Variants in ANO9 observed in about 807,000 individuals in gnomAD.
The protein encoded by ANO9 is anoctamin 9.
Under a neutral mutation model 100.5 loss-of-function variants are expected in ANO9, and 80 were observed. The observed-to-expected ratio is 0.80, with a 90% CI of 0.66 to 0.96. The LOEUF (loss-of-function observed/expected upper bound fraction) is 0.96, where lower values mean the gene tolerates loss of function less well. Ranked by LOEUF, ANO9 falls within the 40% of genes least tolerant of loss-of-function variation. The pLI, the probability that ANO9 is intolerant of heterozygous loss-of-function variation, is 0.00. For missense variants in ANO9, 1,064 were observed against 1,072.7 expected, an observed-to-expected ratio of 0.99 and a Z score of 0.11; for synonymous variants, 473 against 435.6, an observed-to-expected ratio of 1.09 and a Z score of -1.07.
rs1164137393 is a variant in ANO9 at position 420,989 on chromosome 11, C to T, written c.1446G>A (p.Met482Ile). ...MDLFVQMAII[M>I]GLKQTLSNCV... ...AGTTGCTGAGCGTCTGCTTCAGGCC[C>T]ATGATGATGGCCATCTGCACGAAGA... is the stretch of plus-strand genomic sequence containing the variant. Residue 482 changes from methionine to isoleucine, a missense_variant, in exon 17 of 23, where the codon ATG (methionine) becomes ATA (isoleucine). By Grantham distance (10) the Met-to-Ile change is conservative. Transcript: ENST00000332826. 5.6e-6 allele frequency: 9 copies of T among 1,607,164 alleles called. No homozygotes were observed. The African/African-American group carries it at 1.2e-4, about 21-fold the overall frequency.
intron 1 of ANO9, among the ~76,000 whole-genome samples, chr11:439,887 G>A (rs1480832630): frequency 2.0e-5 from 3 of 152,106 alleles, no homozygotes; most frequent in Non-Finnish European, 2.9e-5. Context: ...CCGTGTGCCC[G>A]TCCATCCCCA....
intron 4 of ANO9, 177 bp downstream of exon 4, chr11:433,137 G>C (rs1849153001): frequency 3.8e-6 from 3 of 790,674 alleles, no homozygotes; most frequent in Non-Finnish European, 5.7e-6. Context: ...TAATGGGATG[G>C]GGAAGCTGAG....
intron 1 of ANO9, chr11:440,765 G>C (rs7943064): frequency 0.24 from 36,790 of 151,250 alleles, 4,746 homozygotes; most frequent in East Asian, 0.46. Flanking sequence ...GCCCGGGTTC[G>C]AGCAGTCCTC....
At chr11:430,463 G>A in intron 7 of ANO9, 60 bp from the exon 8 acceptor site, 1 of 333,058 alleles carries the variant, frequency 3.0e-6, no homozygotes, top group South Asian at 2.6e-5. Flanking sequence ...GACAGGAAAG[G>A]GATGGGGGTG....
At position 429,655 on chromosome 11, in the gene ANO9, G is replaced by A; in HGVS notation, c.833-3C>T. 1 of 1,612,632 alleles carries A rather than the reference G, an allele frequency of 6.2e-7. No individual in the cohort carries two copies. Among genetic ancestry groups the A allele is most frequent in the Non-Finnish European group, 8.5e-7 (1 of 1,179,884 alleles). ...CCAGATCTCCAGGAACACCGTGGCT[G>A]CGGCGGGGGCAAGGAGGGGCATCAC... On this transcript the variant is annotated splice_region_variant and splice_polypyrimidine_tract_variant and intron_variant, in intron 10 of 22. Transcript: ENST00000332826.
chr11:430,879 T>C (rs12363544), intron 7 of ANO9, among the ~76,000 whole-genome samples: 179 of 2,660 alleles, frequency 0.067, 12 homozygotes, highest in East Asian at 0.25. Context: ...TGGGGGCGTC[T>C]GCGGGGGTGT....
intron 1 of ANO9, among the ~76,000 whole-genome samples, chr11:437,963 AG>A (rs1482658235): frequency 6.6e-6 from 1 of 152,120 alleles, no homozygotes; most frequent in African/African-American, 2.4e-5. Flanking sequence ...GGAAGGGACG[AG>A]GCAGGGACCC....
At chr11:419,908 C>T in intron 19 of ANO9, 179 bp from the exon 20 acceptor site, 2 of 1,410,020 alleles carry the variant, frequency 1.4e-6, no homozygotes, top group East Asian at 2.5e-5. Flanking sequence ...GGCCTCTGCG[C>T]TCCTGCACCC....
chr11:434,241 G>T, intron 1 of ANO9, 143 bp from the exon 2 acceptor site: 1 of 1,014,392 alleles, frequency 9.9e-7, no homozygotes, highest in Non-Finnish European at 1.4e-6. Flanking sequence ...CGAGGAGATG[G>T]CTGTAGGCGG....
intron 19 of ANO9, 127 bp downstream of exon 19, chr11:420,336 G>C: frequency 6.7e-7 from 1 of 1,487,478 alleles, no homozygotes; most frequent in African/African-American, 1.4e-5. Context: ...TCGGAGAAGG[G>C]CTGGGGGCTG....
At position 418,933 on chromosome 11, in the gene ANO9, TG is replaced by T; in HGVS notation, c.1990del (p.Gln664ArgfsTer12). 2.5e-6 allele frequency: 4 copies of T among 1,612,778 alleles called. No individual in the cohort carries two copies. The highest frequency in any genetic ancestry group is 3.4e-6 in the Non-Finnish European group (4 of 1,179,790). ...TGAGCCCTCAATCCCATCAGGGTCC[TG>T]GAAGTCCTTGGTGTGGAAGACGGAC... ...SLSVFHTKDF[Q>X]DPDGIEGSEN... On this transcript the variant is annotated frameshift_variant, in exon 21 of 23. Transcript: ENST00000332826. LOFTEE classifies it high-confidence loss of function.
At position 433,758 on chromosome 11, in the gene ANO9, C is replaced by T. The variant is rs1849228508; in HGVS notation, c.204+57G>A. 78 of 1,522,460 alleles carry T rather than the reference C, an allele frequency of 5.1e-5. 2 individuals are homozygous for T. In the South Asian group the frequency reaches 9.8e-4, roughly 19 times the overall value. The allele number at this position is 1,522,460 out of a possible 1,614,324, so 94.3% of individuals were successfully genotyped here. On this transcript the variant is annotated intron_variant, in intron 3 of 22. Transcript: ENST00000332826. ...CCGCCCCAGCCCCATGGCCCTGCCC[C>T]TCGCTGGACACCCGCCCCGGCCCCA...
intron 15 of ANO9, among the ~76,000 whole-genome samples, chr11:427,841 T>G (rs1848611813): frequency 6.6e-6 from 1 of 150,952 alleles, no homozygotes; most frequent in Non-Finnish European, 1.5e-5. Flanking sequence ...TTTCTGCCAG[T>G]GCTGTTATGC....
intron 1 of ANO9, among the ~76,000 whole-genome samples, chr11:435,071 G>A (rs368454080): frequency 3.3e-5 from 5 of 152,268 alleles, no homozygotes; most frequent in African/African-American, 7.2e-5. Flanking sequence ...ATAAACAGCA[G>A]AAGGATATAG....
intron 19 of ANO9, chr11:420,243 GT>G (rs1848090540): frequency 7.7e-6 from 11 of 1,423,616 alleles, no homozygotes; most frequent in Non-Finnish European, 1.0e-5. Flanking sequence ...GATCCTGACG[GT>G]TTGTGGGAGG....
intron 15 of ANO9, among the ~76,000 whole-genome samples, chr11:423,885 T>A (rs867317550): frequency 5.2e-4 from 75 of 143,400 alleles, no homozygotes; most frequent in Middle Eastern, 3.5e-3. Flanking sequence ...AGTTGAATAC[T>A]CACACACACA....
At chr11:433,522 AC>A in intron 3 of ANO9, 63 bp from the exon 4 acceptor site, 1 of 1,551,412 alleles carries the variant, frequency 6.4e-7, no homozygotes, top group Non-Finnish European at 8.8e-7. Context: ...CCGCCTCAGA[AC>A]CCTCCCCCCT....
In ANO9 at chr11:428,724, T is replaced by A. The variant is rs368691943; in HGVS notation, c.1018A>T (p.Met340Leu). 3.1e-6 allele frequency: 5 copies of A among 1,613,156 alleles called. No individual in the cohort carries two copies. The East Asian group carries it at 1.1e-4, about 36-fold the overall frequency. ...CCACCGCGGTGTCCCCTGCGTACCATGAGCAGGGTCAGGACGAGGATGACG... is the reference window on the plus strand; with the variant it reads ...CCACCGCGGTGTCCCCTGCGTACCAAGAGCAGGGTCAGGACGAGGATGACG... ...STVILVLTLL[M>L]ICLMIGMAHV... Residue 340 changes from methionine to leucine, a missense_variant and splice_region_variant, in exon 12 of 23, where the codon ATG becomes TTG. Physicochemically the swap from Met to Leu is conservative, Grantham distance 15. Coordinates refer to ENST00000332826, the MANE Select transcript of ANO9 (RefSeq NM_001012302.3).
intron 1 of ANO9, among the ~76,000 whole-genome samples, chr11:435,683 GGTCTA>G (rs148205560): frequency 0.59 from 65,765 of 111,226 alleles, 22,504 homozygotes; most frequent in Middle Eastern, 0.72. Flanking sequence ...AGTCTAGTAT[GGTCTA>G]GTCTAGTCTA....
Sources: gnomAD v4.1 joint callset for allele counts (sites outside exome capture counted in the v4.1 genomes callset) on GRCh38, gnomAD v4.1.1 for gene constraint, MANE v1.5 for transcripts, NCBI Gene and HGNC (gene_info 2026-07-23, HGNC 2026-07-21) for gene names.